ANKRD30B: variants seen among roughly 807,000 people sequenced by gnomAD.
ANKRD30B encodes the protein ankyrin repeat domain-containing protein 30B.
Under a neutral mutation model 202.2 loss-of-function variants are expected in ANKRD30B, and 144 were observed. The observed-to-expected ratio is 0.71, with a 90% confidence interval of 0.62 to 0.82. The LOEUF (loss-of-function observed/expected upper bound fraction) is 0.82, where lower values mean the gene tolerates loss of function less well. Ranked by LOEUF, ANKRD30B falls within the 40% of genes least tolerant of loss-of-function variation. The pLI is 0.00. For missense variants in ANKRD30B, 1,487 were observed against 1,669.1 expected, an observed-to-expected ratio of 0.89 and a Z score of 1.90; for synonymous variants, 508 against 561.3, an observed-to-expected ratio of 0.91 and a Z score of 1.34.
rs767924795 is a variant in ANKRD30B at position 14,808,401 on chromosome 18, A to G, written c.2285-150A>G. On this transcript the variant is annotated intron_variant, in intron 24 of 43. Transcript: ENST00000690538. ...ATTTCTGTCCCATTGGCATGTTAAC[A>G]AATACAAAAACCCAAAAGACCCCAA... 6.3e-5 allele frequency: 52 copies of G among 829,628 alleles called. 3 individuals are homozygous for G. The African/African-American group carries it at 8.0e-4, about 13-fold the overall frequency. 51.4% of individuals were successfully genotyped at this position (829,628 alleles called of 1,614,324 possible).
At chr18:14,829,904 A>G (rs571822964) in intron 33 of ANKRD30B, among the ~76,000 whole-genome samples, 2 of 152,322 alleles carry the variant, frequency 1.3e-5, no homozygotes, top group East Asian at 3.9e-4. Context: ...CTGTGGCCTA[A>G]GGCAGGTGTC....
chr18:14,755,035 A>T (rs779730885), intron 4 of ANKRD30B, 30 bp downstream of exon 4: 1 of 1,273,862 alleles, frequency 7.9e-7, no homozygotes, highest in East Asian at 2.7e-5. Flanking sequence ...TTACTAAAAA[A>T]CACTTGACTA....
chr18:14,816,741 A>T (rs913339594), intron 30 of ANKRD30B: 5 of 152,198 alleles, frequency 3.3e-5, no homozygotes, highest in Non-Finnish European at 7.3e-5. Flanking sequence ...GACTGGATTA[A>T]GAAAGTATGG....
chr18:14,779,989 G>A lies in ANKRD30B; in HGVS notation c.1450G>A (p.Glu484Lys). The change falls in exon 11 of 44, where the codon GAG becomes AAG. Residue 484 changes from glutamate to lysine, a missense_variant. Physicochemically the swap from Glu to Lys is moderately conservative, Grantham distance 56. This residue lies in a region of ANKRD30B where 889 missense variants were observed against 841.4 expected (regional missense o/e 1.06). Coordinates refer to ENST00000690538, the MANE Select transcript of ANKRD30B (RefSeq NM_001367607.2). The stretch of plus-strand genomic sequence containing the variant: ...GATGTTCCCATCAGAATCCAAACGA[G>A]AGGAAGATGAAGAATATTCTTGGGA... ...DQMFPSESKR[E>K]EDEEYSWDSG... 4 of 1,606,320 alleles carry A rather than the reference G, an allele frequency of 2.5e-6. No individual in the cohort carries two copies. The highest frequency in any genetic ancestry group is 3.4e-6 in the Non-Finnish European group (4 of 1,174,558).
the ANKRD30B span, among the ~76,000 whole-genome samples, chr18:14,886,778 C>T: frequency 6.6e-6 from 1 of 152,044 alleles, no homozygotes; most frequent in Non-Finnish European, 1.5e-5. Flanking sequence ...ACTAAGTCCC[C>T]CTCTGCCCTC....
intron 9 of ANKRD30B, among the ~76,000 whole-genome samples, chr18:14,777,563 T>C (rs571900437): frequency 6.6e-6 from 1 of 152,094 alleles, no homozygotes; most frequent in Non-Finnish European, 1.5e-5. Flanking sequence ...CCCAAAGTGC[T>C]AGAATTACTG....
At chr18:14,753,891 A>G (rs1913891979) in intron 3 of ANKRD30B, among the ~76,000 whole-genome samples, 1 of 152,152 alleles carries the variant, frequency 6.6e-6, no homozygotes, top group Non-Finnish European at 1.5e-5. Context: ...AACTTTCATT[A>G]GTAAGCCATT....
the ANKRD30B span, among the ~76,000 whole-genome samples, chr18:14,882,305 T>G: frequency 1.3e-5 from 2 of 152,142 alleles, no homozygotes; most frequent in Admixed American, 6.6e-5. Flanking sequence ...TCTTGATAGG[T>G]TGTGTCATCC....
At chr18:14,819,062 T>C (rs542004371) in intron 30 of ANKRD30B, among the ~76,000 whole-genome samples, 4 of 152,264 alleles carry the variant, frequency 2.6e-5, no homozygotes, top group Non-Finnish European at 4.4e-5. Context: ...TTCTAACTGG[T>C]GTGAGATGGT....
the ANKRD30B span, among the ~76,000 whole-genome samples, chr18:14,918,688 C>T: frequency 6.6e-6 from 1 of 152,150 alleles, no homozygotes; most frequent in East Asian, 1.9e-4. Flanking sequence ...GAACTGGGAA[C>T]CAAGATTTAT....
the ANKRD30B span, among the ~76,000 whole-genome samples, chr18:14,924,576 G>A: frequency 1.3e-5 from 2 of 152,254 alleles, no homozygotes; most frequent in Non-Finnish European, 2.9e-5. Context: ...AAGAGTGAGA[G>A]ATACAGCAGA....
intron 34 of ANKRD30B, among the ~76,000 whole-genome samples, chr18:14,834,263 A>G (rs1333040491): frequency 5.3e-5 from 8 of 152,152 alleles, no homozygotes; most frequent in African/African-American, 1.7e-4. Flanking sequence ...TTATTTCTAC[A>G]GTACTATAAA....
chr18:14,938,068 G>A, the ANKRD30B span, among the ~76,000 whole-genome samples: 6 of 152,100 alleles, frequency 3.9e-5, no homozygotes, highest in African/African-American at 7.2e-5. Flanking sequence ...TGAAACTGAC[G>A]AGATGACCCA....
the ANKRD30B span, among the ~76,000 whole-genome samples, chr18:14,896,352 C>T: frequency 3.3e-5 from 5 of 152,174 alleles, no homozygotes; most frequent in East Asian, 3.9e-4. Flanking sequence ...AGGATGGTCT[C>T]GATCTCCTGA....
At chr18:14,799,645 C>T (rs1233650502) in intron 22 of ANKRD30B, among the ~76,000 whole-genome samples, 1 of 152,064 alleles carries the variant, frequency 6.6e-6, no homozygotes, top group Admixed American at 6.6e-5. Context: ...CTGATCTTTA[C>T]TTTGAGGAAA....
the ANKRD30B span, among the ~76,000 whole-genome samples, chr18:14,864,117 C>G: frequency 2.6e-5 from 4 of 152,068 alleles, no homozygotes; most frequent in Non-Finnish European, 5.9e-5. Flanking sequence ...CAGAGGTGGG[C>G]CAATCAACAG....
chr18:14,818,505 TC>T (rs1289668492), intron 30 of ANKRD30B, among the ~76,000 whole-genome samples: 1 of 60,466 alleles, frequency 1.7e-5, no homozygotes, highest in Non-Finnish European at 3.2e-5. Flanking sequence ...ATGCTATCCC[TC>T]CCCCCTCCCC....
intron 18 of ANKRD30B, 89 bp from the exon 19 acceptor site, chr18:14,797,572 G>A: frequency 7.2e-7 from 1 of 1,390,364 alleles, no homozygotes; most frequent in East Asian, 2.3e-5. Context: ...CAAGCATGAG[G>A]ATTCATCTTC....
chr18:14,892,979 A>T, the ANKRD30B span, among the ~76,000 whole-genome samples: 7 of 152,128 alleles, frequency 4.6e-5, no homozygotes, highest in East Asian at 9.6e-4. Context: ...ATCCCTCCAC[A>T]TATTAGGGTT....
Sources: allele counts gnomAD v4.1 joint callset (sites outside exome capture counted in the v4.1 genomes callset), GRCh38; gene constraint gnomAD v4.1.1; regional missense constraint gnomAD v4.1.1; transcripts MANE v1.5; gene names NCBI Gene and HGNC (gene_info 2026-07-23, HGNC 2026-07-21).